The following PDGFB variants were observed in gnomAD, a reference collection of about 807,000 sequenced individuals.
The protein encoded by PDGFB is platelet derived growth factor subunit B.
PDGFB carries 6 observed loss-of-function variants against 29.0 expected under a neutral mutation model. The observed-to-expected ratio is 0.21, with a 90% CI of 0.11 to 0.41. The LOEUF is 0.41. Among genes scored for constraint, PDGFB ranks in the 10% least tolerant of loss-of-function variants. The pLI, the probability that PDGFB is intolerant of heterozygous loss-of-function variation, is 1.00. For missense variants in PDGFB, 299 were observed against 341.8 expected (o/e 0.87, Z 0.99); for synonymous variants, 144 against 140.8 (o/e 1.02, Z -0.16).
rs538969696 is a variant in PDGFB, at chr22:39,231,210, A to T, written c.456+412T>A. ...TGAGCCTTTCTCAAGACAGCCCTGA[A>T]TAGGGAGAGCTTTGGGGGAACCTGA... On this transcript the variant is annotated intron_variant, in intron 4 of 6. Transcript: ENST00000331163. This position sits in a 1 kb window ranked among gnomAD's most constrained non-coding sequence, Gnocchi z 4.3. Among the ~76,000 whole-genome samples, 1 of 152,382 alleles carries T rather than the reference A, an allele frequency of 6.6e-6. No homozygotes were observed. The highest frequency in any genetic ancestry group is 2.1e-4 in the South Asian group (1 of 4,834).
chr22:39,234,012 C>T (rs900303185), intron 2 of PDGFB, among the ~76,000 whole-genome samples: 13 of 115,250 alleles, frequency 1.1e-4, no homozygotes, highest in African/African-American at 4.3e-4. Flanking sequence ...GCGGGAGCCA[C>T]GGAGGGAGGG....
rs1932590210 is a variant in PDGFB at position 39,242,479 on chromosome 22, G to A, written c.63+1422C>T. ...CTGGCCGCGGCCCGGGGGGCTGCGGGAGAGGCGGAGAGGGGGCGTCGGGAG... is the reference window on the plus strand; with the variant it reads ...CTGGCCGCGGCCCGGGGGGCTGCGGAAGAGGCGGAGAGGGGGCGTCGGGAG... On this transcript the variant is annotated intron_variant, in intron 1 of 6. Transcript: ENST00000331163. The surrounding 1 kb of genome is among the most constrained non-coding windows in gnomAD (Gnocchi z 5.7). Among the ~76,000 whole-genome samples, 1 of 150,470 alleles carries A rather than the reference G, an allele frequency of 6.6e-6. No homozygotes were observed. Among genetic ancestry groups the A allele is most frequent in the Non-Finnish European group, 1.5e-5 (1 of 67,420 alleles).
chr22:39,237,749 C>T (rs1233941838), intron 1 of PDGFB, among the ~76,000 whole-genome samples: 3 of 152,232 alleles, frequency 2.0e-5, no homozygotes, highest in African/African-American at 7.2e-5. Context: ...AGAGCTGAAT[C>T]CCACGCCTTT....
rs1932660527 is a variant in PDGFB, at chr22:39,244,967, A to T, written c.-1004T>A. 2.6e-5 allele frequency among the ~76,000 whole-genome samples: 4 copies of T among 151,984 alleles called. No individual in the cohort carries two copies. In the South Asian group the frequency reaches 8.3e-4, roughly 31 times the overall value. ...AGGCAGGCAGGCCGCTCCCGGCTGC[A>T]GGAGGAGAAGTTGCCACCCTTTCAG... On this transcript the variant is annotated 5_prime_UTR_variant, in exon 1 of 7. Transcript: ENST00000331163. The surrounding 1 kb of genome is among the most constrained non-coding windows in gnomAD (Gnocchi z 4.5).
rs139127455 is a variant in PDGFB, at chr22:39,231,782, G to A, written c.296C>T (p.Thr99Met). Residue 99 changes from threonine (T) to methionine (M), a missense_variant, in exon 4 of 7, where the codon ACG becomes ATG. Physicochemically the swap from Thr to Met is moderately conservative, Grantham distance 81. Transcript: ENST00000331163. This position sits in a 1 kb window ranked among gnomAD's most constrained non-coding sequence, Gnocchi z 4.3. The part of the protein sequence containing the change: ...AEPAMIAECK[T>M]RTEVFEISRR... ...GGAGATCTCGAACACCTCGGTGCGCGTCTTGCACTCGGCGATCATGGCCGG... is the reference window on the plus strand; with the variant it reads ...GGAGATCTCGAACACCTCGGTGCGCATCTTGCACTCGGCGATCATGGCCGG... The A allele has an allele frequency of 9.6e-5, 155 of 1,613,804 alleles. No homozygotes were observed. In the African/African-American group the frequency reaches 1.7e-3, roughly 17 times the overall value.
intron 1 of PDGFB, 139 bp from the exon 2 acceptor site, chr22:39,236,013 G>T: frequency 4.6e-6 from 3 of 645,770 alleles, no homozygotes; most frequent in Admixed American, 5.3e-5. Flanking sequence ...CAGGATCCAG[G>T]CCTGATGATC....
rs1184799325 is a variant in PDGFB, at chr22:39,228,893, A to AAAAAAAAAAAAATAT, written c.601+1190_601+1191insATATTTTTTTTTTTT. ...GACAGGGTGAGACTGCCTCAAAAAA[A>AAAAAAAAAAAAATAT]ATATATATATATATAGATATATATA... On this transcript the variant is annotated intron_variant, in intron 5 of 6. Transcript: ENST00000331163. Among the ~76,000 whole-genome samples, 240 of 132,578 alleles carry AAAAAAAAAAAAATAT rather than the reference A, an allele frequency of 1.8e-3. 1 individual carries two copies. The highest frequency in any genetic ancestry group is 2.7e-3 in the African/African-American group (103 of 38,174). The allele number at this position is 132,578 out of a possible 152,430, so 87.0% of individuals were successfully genotyped here.
At chr22:39,229,686 A>T (rs1932248841) in intron 5 of PDGFB, among the ~76,000 whole-genome samples, 1 of 152,216 alleles carries the variant, frequency 6.6e-6, no homozygotes, top group Admixed American at 6.5e-5. Flanking sequence ...TGGTCAGGGC[A>T]GACTTCTAGG....
intron 1 of PDGFB, among the ~76,000 whole-genome samples, chr22:39,237,296 C>CG (rs1245401251): frequency 1.4e-5 from 2 of 138,722 alleles, no homozygotes; most frequent in African/African-American, 5.5e-5. Context: ...AGACTCAGGG[C>CG]GGGGGGTGGG....
At position 39,228,450 on chromosome 22, in the gene PDGFB, G is replaced by A. The variant is rs374524189; in HGVS notation, c.601+1634C>T. ...CAAAAACTTAAAATATTAGCTGGAC[G>A]TGGTGGCACATGCCTGTAATCCCAG... On this transcript the variant is annotated intron_variant, in intron 5 of 6. Transcript: ENST00000331163. Among the ~76,000 whole-genome samples the A allele has an allele frequency of 6.0e-4, 92 of 152,094 alleles. 1 individual carries two copies. Among genetic ancestry groups the A allele is most frequent in the South Asian group, 5.2e-3 (25 of 4,812 alleles).
intron 1 of PDGFB, chr22:39,240,728 T>G: frequency 9.0e-7 from 1 of 1,107,538 alleles, no homozygotes; most frequent in South Asian, 1.2e-5. Context: ...AGCTCTCTAA[T>G]GGGGTTGACA....
intron 1 of PDGFB, among the ~76,000 whole-genome samples, chr22:39,238,141 T>C (rs185318594): frequency 6.6e-5 from 10 of 152,206 alleles, no homozygotes; most frequent in Admixed American, 5.9e-4. Context: ...CCACGACACA[T>C]AGGAGATGCC....
At chr22:39,235,996 G>A (rs1932434822) in intron 1 of PDGFB, 122 bp from the exon 2 acceptor site, 4 of 686,672 alleles carry the variant, frequency 5.8e-6, no homozygotes, top group South Asian at 3.5e-5. Context: ...ACAGGGAGAC[G>A]GACAGGCAGG....
intron 3 of PDGFB, among the ~76,000 whole-genome samples, chr22:39,233,010 C>T (rs1250077266): frequency 6.6e-6 from 1 of 152,182 alleles, no homozygotes; most frequent in Non-Finnish European, 1.5e-5. Flanking sequence ...CGGCCCTTTG[C>T]CACAGGAGAT....
Position 39,224,041 on chromosome 22 carries a change from C to T in PDGFB, c.*1301G>A, listed in dbSNP as rs929696180. 5 of 152,290 alleles carry T rather than the reference C, an allele frequency of 3.3e-5. No individual in the cohort carries two copies. The highest frequency in any genetic ancestry group is 1.2e-4 in the African/African-American group (5 of 41,448). The allele number at this position is 152,290 out of a possible 1,614,324, so 9.4% of individuals were successfully genotyped here. A position where few individuals can be genotyped will look rare whatever the true frequency, so the allele number is the denominator to read the frequency against. On this transcript the variant is annotated 3_prime_UTR_variant, in exon 7 of 7. Coordinates refer to ENST00000331163, the MANE Select transcript of PDGFB (RefSeq NM_002608.4). The stretch of plus-strand genomic sequence containing the variant: ...AGAGGGCTGCACCCTCCCTTGGAGA[C>T]CTTCTCCCAGGTGTCCCACACCCAC...
Position 39,231,708 on chromosome 22 carries a change from A to G in PDGFB, c.370T>C (p.Cys124Arg). The change falls in exon 4 of 7, where the codon TGT becomes CGT. Residue 124 changes from cysteine to arginine, a missense_variant. By Grantham distance (180) the Cys-to-Arg change is radical. Transcript: ENST00000331163. The surrounding 1 kb of genome is among the most constrained non-coding windows in gnomAD (Gnocchi z 4.3). ...TNANFLVWPP[C>R]VEVQRCSGCC... ...CCGGAGCAGCGCTGCACCTCCACAC[A>G]GGGCGGCCACACCAGGAAGTTGGCG... 1 of 1,609,464 alleles carries G rather than the reference A, an allele frequency of 6.2e-7. No homozygotes were observed. Among genetic ancestry groups the G allele is most frequent in the Non-Finnish European group, 8.5e-7 (1 of 1,178,272 alleles).
At chr22:39,226,717 G>C (rs916242516) in intron 5 of PDGFB, among the ~76,000 whole-genome samples, 1 of 152,156 alleles carries the variant, frequency 6.6e-6, no homozygotes, top group Non-Finnish European at 1.5e-5. Context: ...AGCCCCGTCC[G>C]ATCACGTGGT....
At chr22:39,230,485 G>C (rs1451015331) in intron 4 of PDGFB, among the ~76,000 whole-genome samples, 2 of 152,282 alleles carry the variant, frequency 1.3e-5, no homozygotes. Flanking sequence ...GGGACAGCCA[G>C]AAAGGCATTT....
chr22:39,231,818 G>T lies in PDGFB; in HGVS notation c.260C>A (p.Thr87Asn), dbSNP rs756967805. 2 of 1,612,934 alleles carry T rather than the reference G, an allele frequency of 1.2e-6. No homozygotes were observed. Among genetic ancestry groups the T allele is most frequent in the African/African-American group, 2.7e-5 (2 of 74,922 alleles). The change falls in exon 4 of 7, where the codon ACC becomes AAC. Residue 87 changes from threonine to asparagine, a missense_variant. Physicochemically the swap from Thr to Asn is moderately conservative, Grantham distance 65. Coordinates refer to ENST00000331163, the MANE Select transcript of PDGFB (RefSeq NM_002608.4). The surrounding 1 kb of genome is among the most constrained non-coding windows in gnomAD (Gnocchi z 4.3). ...GGCGATCATGGCCGGCTCAGCAATG[G>T]TCAGGGAACCTGGGAGGAGACGAAA... is the stretch of plus-strand genomic sequence containing the variant. The part of the protein sequence containing the change: ...ARGRRSLGSL[T>N]IAEPAMIAEC...
Sources: allele counts gnomAD v4.1 joint callset (sites outside exome capture counted in the v4.1 genomes callset), GRCh38; gene constraint gnomAD v4.1.1; non-coding constraint Gnocchi (gnomAD v3.1); transcripts MANE v1.5; gene names NCBI Gene and HGNC (gene_info 2026-07-23, HGNC 2026-07-21).